The following AKAP19 variants were observed in gnomAD, a reference collection of about 807,000 sequenced individuals.
The protein encoded by AKAP19 is A-kinase anchoring protein 19, also known as small A-kinase anchoring protein.
the AKAP19 span, among the ~76,000 whole-genome samples, chr2:190,118,984 G>A: frequency 6.6e-6 from 1 of 152,302 alleles, no homozygotes; most frequent in South Asian, 2.1e-4. Context: ...GTCTCAGCCC[G>A]AAATCTCCTT....
At chr2:190,121,076 T>A in the AKAP19 span, among the ~76,000 whole-genome samples, 5 of 118,194 alleles carry the variant, frequency 4.2e-5, no homozygotes, top group Non-Finnish European at 7.9e-5. Flanking sequence ...TGTTGGAAAT[T>A]TTTTTTAAAA....
chr2:190,048,074 CA>C, the AKAP19 span, among the ~76,000 whole-genome samples: 3 of 152,154 alleles, frequency 2.0e-5, no homozygotes, highest in Admixed American at 6.5e-5. Context: ...ACAGAAACAT[CA>C]ATCATCATAC....
the AKAP19 span, among the ~76,000 whole-genome samples, chr2:190,067,715 T>G: frequency 6.6e-6 from 1 of 152,166 alleles, no homozygotes; most frequent in African/African-American, 2.4e-5. Context: ...CATAATAATG[T>G]CCTAGTTAAT....
At chr2:189,932,249 A>T in the AKAP19 span, among the ~76,000 whole-genome samples, 2 of 152,110 alleles carry the variant, frequency 1.3e-5, no homozygotes, top group African/African-American at 2.4e-5. Context: ...CTCCACTAAA[A>T]ATACAAAAAT....
chr2:190,164,765 T>A, the AKAP19 span, among the ~76,000 whole-genome samples: 26 of 152,306 alleles, frequency 1.7e-4, no homozygotes, highest in African/African-American at 6.0e-4. Context: ...ATACAAAATA[T>A]GGAAAAACTT....
the AKAP19 span, among the ~76,000 whole-genome samples, chr2:190,121,745 C>T: frequency 6.6e-6 from 1 of 152,114 alleles, no homozygotes; most frequent in African/African-American, 2.4e-5. Flanking sequence ...GGAATCAGTT[C>T]AGCAAGACTG....
At chr2:190,136,398 T>C in the AKAP19 span, among the ~76,000 whole-genome samples, 1 of 152,320 alleles carries the variant, frequency 6.6e-6, no homozygotes, top group African/African-American at 2.4e-5. Flanking sequence ...AGCTGCTTGC[T>C]TTCATTCAGC....
At chr2:190,040,935 ATAGTT>A in the AKAP19 span, among the ~76,000 whole-genome samples, 3 of 152,170 alleles carry the variant, frequency 2.0e-5, no homozygotes, top group African/African-American at 7.2e-5. Flanking sequence ...ACTATAATAT[ATAGTT>A]TAAAGTCAGG....
the AKAP19 span, among the ~76,000 whole-genome samples, chr2:190,197,141 C>T: frequency 2.6e-5 from 4 of 152,160 alleles, no homozygotes; most frequent in African/African-American, 9.7e-5. The surrounding 1 kb of genome is among the most constrained non-coding windows in gnomAD (Gnocchi z 4.0). Flanking sequence ...CCTCCAAATA[C>T]CATCACGTTG....
At chr2:190,101,274 C>G in the AKAP19 span, among the ~76,000 whole-genome samples, 1 of 152,262 alleles carries the variant, frequency 6.6e-6, no homozygotes, top group African/African-American at 2.4e-5. Context: ...GTGTTCTTCC[C>G]TGTCACAGGC....
chr2:189,906,267 A>G, the AKAP19 span, among the ~76,000 whole-genome samples: 4 of 152,138 alleles, frequency 2.6e-5, no homozygotes, highest in Non-Finnish European at 5.9e-5. Context: ...TAACTTTTAC[A>G]AATACAAAAT....
the AKAP19 span, among the ~76,000 whole-genome samples, chr2:190,008,554 T>C: frequency 6.6e-6 from 1 of 152,138 alleles, no homozygotes; most frequent in South Asian, 2.1e-4. Flanking sequence ...ATCCAGAAGA[T>C]TTTTAATTAG....
At chr2:190,010,999 G>T in the AKAP19 span, among the ~76,000 whole-genome samples, 2 of 147,242 alleles carry the variant, frequency 1.4e-5, no homozygotes, top group East Asian at 4.0e-4. Context: ...CCAGGTTATG[G>T]TTTGTAAATA....
At chr2:189,883,724 T>C in the AKAP19 span, among the ~76,000 whole-genome samples, 16 of 152,240 alleles carry the variant, frequency 1.1e-4, no homozygotes, top group East Asian at 2.9e-3. Context: ...CCTTTACTTA[T>C]AGCTACATTT....
the AKAP19 span, among the ~76,000 whole-genome samples, chr2:189,933,068 G>A: frequency 2.6e-5 from 4 of 152,018 alleles, no homozygotes; most frequent in Admixed American, 1.3e-4. Context: ...GTTTAATTTG[G>A]GCAGATACTC....
the AKAP19 span, among the ~76,000 whole-genome samples, chr2:189,884,236 G>A: frequency 2.0e-5 from 3 of 151,998 alleles, no homozygotes; most frequent in South Asian, 6.2e-4. Flanking sequence ...AGGCATTTTT[G>A]TTTTTAAAGT....
the AKAP19 span, among the ~76,000 whole-genome samples, chr2:189,931,191 TTTGTGAAATGGTGG>T: frequency 8.4e-5 from 2 of 23,716 alleles, no homozygotes; most frequent in Non-Finnish European, 7.0e-4. Context: ...GTTATGGTGG[TTTGTGAAATGGTGG>T]TTTTTTTTCT....
At chr2:190,166,725 A>T in the AKAP19 span, among the ~76,000 whole-genome samples, 1 of 152,172 alleles carries the variant, frequency 6.6e-6, no homozygotes. Flanking sequence ...CATAAAAAAT[A>T]TCTTAGAAAA....
At chr2:190,084,470 T>G in the AKAP19 span, among the ~76,000 whole-genome samples, 1 of 152,164 alleles carries the variant, frequency 6.6e-6, no homozygotes, top group South Asian at 2.1e-4. Flanking sequence ...GAAGTATAGT[T>G]TATCTATCAT....
Sources: allele counts gnomAD v4.1 joint callset (sites outside exome capture counted in the v4.1 genomes callset), GRCh38; gene constraint gnomAD v4.1.1; non-coding constraint Gnocchi (gnomAD v3.1); transcripts MANE v1.5; gene names NCBI Gene and HGNC (gene_info 2026-07-23, HGNC 2026-07-21).